ZNF804B: variants seen among roughly 807,000 people sequenced by gnomAD.
ZNF804B encodes zinc finger protein 804B.
In ZNF804B, 80 loss-of-function variants were observed where a neutral mutation model predicts 101.4. The observed-to-expected ratio is 0.79, with a 90% CI of 0.66 to 0.95. The LOEUF (loss-of-function observed/expected upper bound fraction) is 0.95, where lower values mean the gene tolerates loss of function less well. ZNF804B is among the 40% of genes least tolerant of loss of function. ZNF804B has a pLI of 0.00. For missense variants in ZNF804B, 1,673 were observed against 1,561.9 expected (o/e 1.07, Z -1.20); for synonymous variants, 622 against 558.8 (o/e 1.11, Z -1.59).
At chr7:89,270,074 T>C (rs1182680546) in intron 2 of ZNF804B, among the ~76,000 whole-genome samples, 1 of 152,212 alleles carries the variant, frequency 6.6e-6, no homozygotes, top group Admixed American at 6.5e-5. Context: ...ATTAATTAGA[T>C]CCCATTCATC....
intron 1 of ZNF804B, among the ~76,000 whole-genome samples, chr7:88,985,967 T>G (rs973862370): frequency 6.6e-6 from 1 of 152,158 alleles, no homozygotes; most frequent in African/African-American, 2.4e-5. Context: ...TCAAAATGAT[T>G]CGTCACATGC....
At chr7:89,116,449 C>T (rs566660125) in intron 1 of ZNF804B, among the ~76,000 whole-genome samples, 16 of 152,154 alleles carry the variant, frequency 1.1e-4, no homozygotes, top group Middle Eastern at 6.8e-3. Context: ...TATATTTGTC[C>T]CTTAGAACCT....
At chr7:88,911,111 G>GT (rs1353444249) in intron 1 of ZNF804B, among the ~76,000 whole-genome samples, 1 of 152,012 alleles carries the variant, frequency 6.6e-6, no homozygotes, top group Non-Finnish European at 1.5e-5. Context: ...GAAAAGAACA[G>GT]TGAAACAATG....
chr7:89,319,785 G>T (rs896043463), intron 2 of ZNF804B, among the ~76,000 whole-genome samples: 6 of 152,140 alleles, frequency 3.9e-5, no homozygotes, highest in African/African-American at 1.4e-4. Context: ...GTACTTGAAG[G>T]CTGTGGACAC....
chr7:89,060,131 T>C (rs1234712272), intron 1 of ZNF804B, among the ~76,000 whole-genome samples: 1 of 152,068 alleles, frequency 6.6e-6, no homozygotes, highest in East Asian at 1.9e-4. Context: ...ACTATCGGCA[T>C]CCCAGGGTCT....
intron 1 of ZNF804B, among the ~76,000 whole-genome samples, chr7:89,012,829 A>C (rs913609356): frequency 6.6e-6 from 1 of 152,060 alleles, no homozygotes; most frequent in African/African-American, 2.4e-5. Context: ...CCCAGTACCA[A>C]TTTTCTGTAT....
At chr7:88,904,945 C>T (rs1164378615) in intron 1 of ZNF804B, among the ~76,000 whole-genome samples, 1 of 152,168 alleles carries the variant, frequency 6.6e-6, no homozygotes, top group African/African-American at 2.4e-5. Flanking sequence ...TTATTTCTTT[C>T]TCTTAACTTA....
At chr7:88,774,549 C>T (rs1014864944) in intron 1 of ZNF804B, among the ~76,000 whole-genome samples, 1 of 152,080 alleles carries the variant, frequency 6.6e-6, no homozygotes, top group African/African-American at 2.4e-5. Context: ...TGGTCAATGC[C>T]AGACATTTCA....
chr7:89,193,482 T>G (rs1240816171), intron 1 of ZNF804B, among the ~76,000 whole-genome samples: 1 of 99,638 alleles, frequency 1.0e-5, no homozygotes, highest in Non-Finnish European at 1.9e-5. Flanking sequence ...CCCACAACAG[T>G]CCCCAGAGTG....
At chr7:89,132,310 GAAAAC>G (rs887992467) in intron 1 of ZNF804B, among the ~76,000 whole-genome samples, 12 of 151,868 alleles carry the variant, frequency 7.9e-5, no homozygotes, top group South Asian at 4.1e-4. Context: ...GGAATTTTCT[GAAAAC>G]AAAACAAAAC....
intron 1 of ZNF804B, among the ~76,000 whole-genome samples, chr7:88,783,985 A>G (rs10271449): frequency 0.021 from 3,125 of 152,326 alleles, 100 homozygotes; most frequent in African/African-American, 0.071. Context: ...TATACATTAC[A>G]GAGATAAATG....
intron 1 of ZNF804B, among the ~76,000 whole-genome samples, chr7:89,063,556 T>C (rs1032206263): frequency 5.3e-5 from 8 of 152,114 alleles, no homozygotes; most frequent in African/African-American, 1.9e-4. Flanking sequence ...CTGGTAGTAA[T>C]CAAGGTGGGA....
chr7:89,072,264 G>A (rs887453307), intron 1 of ZNF804B, among the ~76,000 whole-genome samples: 1 of 152,140 alleles, frequency 6.6e-6, no homozygotes, highest in Non-Finnish European at 1.5e-5. Flanking sequence ...CTGAGGCCTA[G>A]GTAACATTTC....
intron 1 of ZNF804B, among the ~76,000 whole-genome samples, chr7:88,866,765 A>G (rs1791732897): frequency 6.6e-6 from 1 of 152,168 alleles, no homozygotes; most frequent in South Asian, 2.1e-4. Context: ...CTAATCTACA[A>G]GGTTTAGGGT....
chr7:88,990,491 G>T (rs1237528386), intron 1 of ZNF804B, among the ~76,000 whole-genome samples: 1 of 151,918 alleles, frequency 6.6e-6, no homozygotes, highest in African/African-American at 2.4e-5. Context: ...AAGCAGTTAA[G>T]CATTATTATT....
intron 1 of ZNF804B, among the ~76,000 whole-genome samples, chr7:89,164,939 T>C (rs1791118902): frequency 6.6e-6 from 1 of 152,150 alleles, no homozygotes; most frequent in African/African-American, 2.4e-5. Flanking sequence ...TGTTGTGTTA[T>C]TTAATCCTCA....
At chr7:89,177,599 T>C (rs1252789615) in intron 1 of ZNF804B, among the ~76,000 whole-genome samples, 3 of 152,234 alleles carry the variant, frequency 2.0e-5, no homozygotes, top group Non-Finnish European at 4.4e-5. Flanking sequence ...AATGACATGT[T>C]ATATAGACAT....
chr7:89,008,180 C>T (rs1472974720), intron 1 of ZNF804B, among the ~76,000 whole-genome samples: 1 of 152,104 alleles, frequency 6.6e-6, no homozygotes, highest in Non-Finnish European at 1.5e-5. Context: ...ATTTCCAAAT[C>T]TTAGACATTT....
chr7:89,002,038 A>T (rs558635134), intron 1 of ZNF804B, among the ~76,000 whole-genome samples: 2 of 151,682 alleles, frequency 1.3e-5, no homozygotes, highest in African/African-American at 2.4e-5. Flanking sequence ...CAACTCATTT[A>T]ATCAAAACCA....
Sources: allele counts gnomAD v4.1 joint callset (sites outside exome capture counted in the v4.1 genomes callset), GRCh38; gene constraint gnomAD v4.1.1; transcripts MANE v1.5; gene names NCBI Gene and HGNC (gene_info 2026-07-23, HGNC 2026-07-21).